The following DNAAF6 variants were observed in gnomAD, a reference collection of about 807,000 sequenced individuals.
The protein encoded by DNAAF6 is PIH1 domain containing 3.
A neutral mutation model predicts 13.7 loss-of-function variants in DNAAF6; 3 were observed. That is an observed-to-expected ratio of 0.22 (90% CI 0.10 to 0.56). The LOEUF (loss-of-function observed/expected upper bound fraction) is 0.56, where lower values mean the gene tolerates loss of function less well. Ranked by LOEUF, DNAAF6 falls within the 20% of genes least tolerant of loss-of-function variation. The pLI is 0.92. For synonymous variants in DNAAF6, 54 were observed against 49.2 expected, an observed-to-expected ratio of 1.10 and a Z score of -0.41; for missense variants, 130 against 151.0, an observed-to-expected ratio of 0.86 and a Z score of 0.73.
intron 5 of DNAAF6, among the ~76,000 whole-genome samples, chrX:107,238,140 A>G (rs1340199590): frequency 8.9e-6 from 1 of 112,245 alleles, no homozygotes; most frequent in Admixed American, 9.4e-5. Context: ...TTTATGGCTG[A>G]ATAATATTCC....
intron 4 of DNAAF6, among the ~76,000 whole-genome samples, chrX:107,219,400 A>C (rs1234618726): frequency 9.0e-6 from 1 of 111,482 alleles, no homozygotes; most frequent in Non-Finnish European, 1.9e-5. Flanking sequence ...CCAATTATCA[A>C]TTATTACCCA....
At chrX:107,215,280 C>G (rs1396373593) in intron 2 of DNAAF6, among the ~76,000 whole-genome samples, 2 of 111,014 alleles carry the variant, frequency 1.8e-5, no homozygotes, top group Non-Finnish European at 3.8e-5. Context: ...CAATTTTTGT[C>G]AAGAATGTCC....
chrX:107,219,117 AT>A (rs1928064311), intron 4 of DNAAF6, 148 bp downstream of exon 4: 11 of 758,491 alleles, frequency 1.5e-5, no homozygotes, highest in Non-Finnish European at 1.9e-5. Flanking sequence ...GTAATTGATT[AT>A]TTTTTTCCTT....
chrX:107,235,242 T>C (rs1182079970), intron 5 of DNAAF6, among the ~76,000 whole-genome samples: 1 of 111,459 alleles, frequency 9.0e-6, no homozygotes, highest in Non-Finnish European at 1.9e-5. Flanking sequence ...TTCCTGTTAC[T>C]TTTTATTTAT....
intron 5 of DNAAF6, among the ~76,000 whole-genome samples, chrX:107,237,244 ATATG>A (rs1928533667): frequency 8.9e-6 from 1 of 112,206 alleles, no homozygotes; most frequent in African/African-American, 3.2e-5. Context: ...TATTTATTTG[ATATG>A]TATTTTCCTC....
rs140758283 is a variant in DNAAF6 at position 107,228,239 on chromosome X, G to T, written c.429+5398G>T. ...AACTTTGAGATTTGTCAGTTAAGAA[G>T]TCTTTGGTGATCTTTGGAAGAGAGC... On this transcript the variant is annotated intron_variant, in intron 5 of 6. Coordinates refer to ENST00000372453, the MANE Select transcript of DNAAF6 (RefSeq NM_173494.2). Among the ~76,000 whole-genome samples the T allele has an allele frequency of 5.5e-3, 618 of 112,099 alleles. 6 individuals carry two copies. Among genetic ancestry groups the T allele is most frequent in the African/African-American group, 0.019 (601 of 30,881 alleles).
intron 5 of DNAAF6, among the ~76,000 whole-genome samples, chrX:107,237,258 C>T (rs1188295602): frequency 8.9e-6 from 1 of 112,202 alleles, no homozygotes; most frequent in African/African-American, 3.2e-5. Flanking sequence ...GTATTTTCCT[C>T]ATAACTTACT....
At position 107,213,016 on chromosome X, in the gene DNAAF6, T is replaced by C; in HGVS notation, c.141T>C (p.Ser47=). 1 of 1,196,269 alleles carries C rather than the reference T, an allele frequency of 8.4e-7. No homozygotes were observed. Among genetic ancestry groups the C allele is most frequent in the Non-Finnish European group, 1.1e-6 (1 of 889,957 alleles). The change falls in exon 2 of 7, where the codon TCT becomes TCC. Residue 47 remains serine (S), a synonymous_variant. Transcript: ENST00000372453. ...KLLNPEEEDD[S]DYGQTNGLST... is the part of the protein sequence containing the mutation. The stretch of plus-strand genomic sequence containing the variant: ...TTAATCCTGAAGAAGAGGATGATTC[T>C]GACTATGGACAGGTGGTCATATACT...
At chrX:107,223,503 T>C (rs1334228741) in intron 5 of DNAAF6, among the ~76,000 whole-genome samples, 4 of 111,714 alleles carry the variant, frequency 3.6e-5, no homozygotes, top group Non-Finnish European at 7.5e-5. Flanking sequence ...ATCCTGATAA[T>C]GACCTTGTTG....
chrX:107,227,697 C>A (rs1014785800), intron 5 of DNAAF6, among the ~76,000 whole-genome samples: 1 of 111,207 alleles, frequency 9.0e-6, no homozygotes, highest in Non-Finnish European at 1.9e-5. Context: ...CATAACACTC[C>A]TTCATAATGA....
intron 5 of DNAAF6, among the ~76,000 whole-genome samples, chrX:107,231,397 A>G (rs1398424953): frequency 3.6e-5 from 4 of 111,820 alleles, no homozygotes; most frequent in African/African-American, 1.3e-4. Context: ...TTTAATTGGA[A>G]TGGTTCTAGT....
chrX:107,242,779 G>A (rs184271352), intron 6 of DNAAF6, among the ~76,000 whole-genome samples: 3 of 112,224 alleles, frequency 2.7e-5, no homozygotes. Context: ...TAGCAGAAGT[G>A]TCATAGAGCC....
intron 5 of DNAAF6, among the ~76,000 whole-genome samples, chrX:107,227,401 A>T (rs1006285045): frequency 9.0e-6 from 1 of 111,512 alleles, no homozygotes; most frequent in Non-Finnish European, 1.9e-5. Context: ...ATATTTGTTT[A>T]CTTTTAATGA....
At chrX:107,226,801 A>G (rs984744959) in intron 5 of DNAAF6, among the ~76,000 whole-genome samples, 2 of 111,393 alleles carry the variant, frequency 1.8e-5, no homozygotes, top group Non-Finnish European at 3.8e-5. Context: ...ATGACCCAAG[A>G]AACAAGCCAC....
chrX:107,237,559 A>G (rs1928542568), intron 5 of DNAAF6, among the ~76,000 whole-genome samples: 1 of 112,629 alleles, frequency 8.9e-6, no homozygotes, highest in South Asian at 3.7e-4. Context: ...TTGTGCAACC[A>G]TCACCAGTAT....
intron 2 of DNAAF6, among the ~76,000 whole-genome samples, chrX:107,213,846 T>C (rs978368309): frequency 2.7e-5 from 3 of 111,997 alleles, no homozygotes; most frequent in African/African-American, 9.7e-5. Context: ...TTGCATAAAA[T>C]TATTTTAATG....
At chrX:107,230,575 T>TGG (rs1487116901) in intron 5 of DNAAF6, among the ~76,000 whole-genome samples, 1 of 111,902 alleles carries the variant, frequency 8.9e-6, no homozygotes, top group African/African-American at 3.2e-5. Flanking sequence ...CCCAGCTACT[T>TGG]GGGAGGCTGA....
At chrX:107,212,844 T>C in intron 1 of DNAAF6, 29 bp from the exon 2 acceptor site, 2 of 1,139,447 alleles carry the variant, frequency 1.8e-6, no homozygotes, top group Middle Eastern at 2.5e-4. Context: ...AAAAGTAAAA[T>C]ACCTCTTTCT....
chrX:107,235,782 TGG>T (rs112852356), intron 5 of DNAAF6, among the ~76,000 whole-genome samples: 9 of 106,366 alleles, frequency 8.5e-5, no homozygotes, highest in African/African-American at 2.8e-4. Flanking sequence ...AATTATAAAT[TGG>T]GGGGGGGAGG....
Sources: gnomAD v4.1 joint callset for allele counts (sites outside exome capture counted in the v4.1 genomes callset) on GRCh38, gnomAD v4.1.1 for gene constraint, MANE v1.5 for transcripts, NCBI Gene and HGNC (gene_info 2026-07-23, HGNC 2026-07-21) for gene names.